The following GRIA4 variants were observed in gnomAD, a reference collection of about 807,000 sequenced individuals.
The protein encoded by GRIA4 is glutamate ionotropic receptor AMPA type subunit 4, also known as glutamate receptor 4.
In GRIA4, 34 loss-of-function variants were observed where a neutral mutation model predicts 104.0. The ratio of observed to expected loss-of-function variants is 0.33; its 90% CI spans 0.25 to 0.44. The LOEUF (loss-of-function observed/expected upper bound fraction) is 0.44, where lower values mean the gene tolerates loss of function less well. Ranked by LOEUF, GRIA4 falls within the 20% of genes least tolerant of loss-of-function variation. The pLI, the probability that GRIA4 is intolerant of heterozygous loss-of-function variation, is 1.00. For missense variants in GRIA4, 750 were observed against 1,096.5 expected (o/e 0.68, Z 4.46); for synonymous variants, 386 against 381.9 (o/e 1.01, Z -0.13).
At chr11:105,854,561 G>A (rs933047340) in intron 4 of GRIA4, among the ~76,000 whole-genome samples, 45 of 152,174 alleles carry the variant, frequency 3.0e-4, no homozygotes, top group Non-Finnish European at 6.2e-4. Context: ...TGCAAAGCGG[G>A]CAAAGGTGGA....
chr11:105,891,180 T>A (rs942515728), intron 6 of GRIA4, among the ~76,000 whole-genome samples: 1 of 152,166 alleles, frequency 6.6e-6, no homozygotes, highest in Non-Finnish European at 1.5e-5. Context: ...TATGATGATA[T>A]CGTTTGCTTA....
chr11:105,894,791 A>ATTTTTTTTTTTTTTTTTTTTTTTTTTTTT (rs569292239), intron 6 of GRIA4, among the ~76,000 whole-genome samples: 2 of 126,366 alleles, frequency 1.6e-5, no homozygotes, highest in African/African-American at 6.3e-5. Context: ...ATTGCTACAT[A>ATTTTTTTTTTTTTTTTTTTTTTTTTTTTT]TTTTTTTTTT....
intron 4 of GRIA4, among the ~76,000 whole-genome samples, chr11:105,765,028 A>G (rs1436597750): frequency 6.6e-6 from 1 of 152,136 alleles, no homozygotes; most frequent in Admixed American, 6.5e-5. Context: ...GAAGTACATG[A>G]CCAAATTTGT....
rs543022884 is a variant in GRIA4, at chr11:105,812,970, G to A, written c.488-49054G>A. ...CAAAAAATTAGCTGGGCATAATGGTGGGCACCTGTAGTCCTCGGGAGGCTG... is the reference window on the plus strand; with the variant it reads ...CAAAAAATTAGCTGGGCATAATGGTAGGCACCTGTAGTCCTCGGGAGGCTG... On this transcript the variant is annotated intron_variant, in intron 4 of 16. Coordinates refer to ENST00000282499, the MANE Select transcript of GRIA4 (RefSeq NM_000829.4). Among the ~76,000 whole-genome samples the A allele has an allele frequency of 2.0e-5, 3 of 151,940 alleles. No individual in the cohort carries two copies. The East Asian group carries it at 5.8e-4, about 30-fold the overall frequency.
chr11:105,734,141 A>G (rs796578031), intron 3 of GRIA4, among the ~76,000 whole-genome samples: 4 of 150,476 alleles, frequency 2.7e-5, no homozygotes, highest in African/African-American at 9.7e-5. Flanking sequence ...GATCTACTCA[A>G]TTGGCATTTT....
intron 4 of GRIA4, among the ~76,000 whole-genome samples, chr11:105,850,756 T>TA (rs1275888448): frequency 1.3e-5 from 2 of 152,098 alleles, no homozygotes; most frequent in African/African-American, 4.8e-5. Flanking sequence ...CCTGTGAACT[T>TA]AGAGTGAAAG....
chr11:105,636,025 A>G (rs149787456), intron 3 of GRIA4, among the ~76,000 whole-genome samples: 2 of 152,176 alleles, frequency 1.3e-5, no homozygotes, highest in African/African-American at 4.8e-5. Context: ...GTTTCCATGC[A>G]TGTGTGCTGG....
intron 3 of GRIA4, among the ~76,000 whole-genome samples, chr11:105,669,176 T>C (rs1328009235): frequency 6.6e-6 from 1 of 152,020 alleles, no homozygotes; most frequent in Non-Finnish European, 1.5e-5. Flanking sequence ...CCTTCTTTTC[T>C]GCTCTTACAA....
At chr11:105,897,759 C>T (rs1946707187) in intron 6 of GRIA4, among the ~76,000 whole-genome samples, 1 of 152,100 alleles carries the variant, frequency 6.6e-6, no homozygotes, top group South Asian at 2.1e-4. Context: ...GGAATAAAAC[C>T]TACTTGATCA....
At chr11:105,665,095 T>A (rs1952125184) in intron 3 of GRIA4, among the ~76,000 whole-genome samples, 1 of 152,042 alleles carries the variant, frequency 6.6e-6, no homozygotes, top group South Asian at 2.1e-4. Context: ...ACCAAATATT[T>A]TAACTTTAGC....
intron 3 of GRIA4, among the ~76,000 whole-genome samples, chr11:105,691,691 C>A (rs1470773673): frequency 1.3e-5 from 2 of 152,034 alleles, no homozygotes; most frequent in South Asian, 4.1e-4. Context: ...AATCCCAGCA[C>A]TTTGAGAGGC....
chr11:105,625,314 G>T (rs534564945), intron 3 of GRIA4, among the ~76,000 whole-genome samples: 172 of 152,190 alleles, frequency 1.1e-3, no homozygotes, highest in African/African-American at 3.9e-3. Context: ...AAGTAGGGGA[G>T]AAAGAGAGAG....
chr11:105,697,518 C>G (rs1953325927), intron 3 of GRIA4, among the ~76,000 whole-genome samples: 1 of 152,298 alleles, frequency 6.6e-6, no homozygotes, highest in South Asian at 2.1e-4. Flanking sequence ...GAAGAACATG[C>G]AAATTTGCTT....
intron 3 of GRIA4, among the ~76,000 whole-genome samples, chr11:105,621,966 A>G (rs1452096009): frequency 6.6e-6 from 1 of 151,090 alleles, no homozygotes; most frequent in Non-Finnish European, 1.5e-5. Context: ...AGACAATTTT[A>G]TTTATCAGAT....
chr11:105,678,976 A>T (rs1952627505), intron 3 of GRIA4, among the ~76,000 whole-genome samples: 1 of 152,074 alleles, frequency 6.6e-6, no homozygotes, highest in African/African-American at 2.4e-5. Flanking sequence ...TTTGTTTTGG[A>T]GATTCCACTA....
chr11:105,765,730 T>C (rs1402895744), intron 4 of GRIA4, among the ~76,000 whole-genome samples: 1 of 152,196 alleles, frequency 6.6e-6, no homozygotes, highest in Admixed American at 6.5e-5. Context: ...CTCATTTATT[T>C]ACATTTCTTT....
At chr11:105,974,631 T>G in intron 16 of GRIA4, 187 bp downstream of exon 16, 2 of 1,399,964 alleles carry the variant, frequency 1.4e-6, no homozygotes, top group South Asian at 2.6e-5. Context: ...GTCTGTCCAG[T>G]GGTGGTATTG....
chr11:105,901,195 A>C (rs992351074), intron 7 of GRIA4, among the ~76,000 whole-genome samples: 7 of 152,150 alleles, frequency 4.6e-5, no homozygotes, highest in Admixed American at 1.3e-4. Flanking sequence ...TTTCATCCTC[A>C]TAATAATCAC....
chr11:105,743,388 C>T (rs1217315976), intron 3 of GRIA4, among the ~76,000 whole-genome samples: 2 of 152,160 alleles, frequency 1.3e-5, no homozygotes, highest in Non-Finnish European at 2.9e-5. Flanking sequence ...TTGTTTGATA[C>T]TTTTGAGCAT....
Sources: gnomAD v4.1 joint callset for allele counts (sites outside exome capture counted in the v4.1 genomes callset) on GRCh38, gnomAD v4.1.1 for gene constraint, MANE v1.5 for transcripts, NCBI Gene and HGNC (gene_info 2026-07-23, HGNC 2026-07-21) for gene names.